The following TMEM135 variants were observed in gnomAD, a reference collection of about 807,000 sequenced individuals.
TMEM135 encodes transmembrane protein 135.
In TMEM135, 30 loss-of-function variants were observed where a neutral mutation model predicts 60.3. The ratio of observed to expected loss-of-function variants is 0.50; its 90% CI spans 0.37 to 0.68. The LOEUF (loss-of-function observed/expected upper bound fraction) is 0.68, where lower values mean the gene tolerates loss of function less well. Among genes scored for constraint, TMEM135 ranks in the 30% least tolerant of loss-of-function variants. The pLI, the probability that TMEM135 is intolerant of heterozygous loss-of-function variation, is 0.00. For missense variants in TMEM135, 468 were observed against 548.8 expected (o/e 0.85, Z 1.47); for synonymous variants, 190 against 186.7 (o/e 1.02, Z -0.14).
In TMEM135 at chr11:87,157,407, G is replaced by C; in HGVS notation, c.462+1G>C. 1.9e-6 allele frequency: 3 copies of C among 1,611,428 alleles called. No individual in the cohort carries two copies. Among genetic ancestry groups the C allele is most frequent in the Non-Finnish European group, 2.5e-6 (3 of 1,178,028 alleles). On this transcript the variant is annotated splice_donor_variant, in intron 5 of 14. Transcript: ENST00000305494. LOFTEE classifies it high-confidence loss of function. ...CATCACAACATTAAGAAATGGAGAA[G>C]TAAGATGAGAATTTTGATATAGTTA... is the stretch of plus-strand genomic sequence containing the variant.
intron 5 of TMEM135, among the ~76,000 whole-genome samples, chr11:87,233,099 C>T (rs748824835): frequency 8.6e-5 from 13 of 151,996 alleles, no homozygotes; most frequent in African/African-American, 1.2e-4. Flanking sequence ...TGCAGTGAGC[C>T]GAGATTGCAC....
intron 5 of TMEM135, among the ~76,000 whole-genome samples, chr11:87,193,673 T>G (rs1001939650): frequency 4.6e-5 from 7 of 151,336 alleles, no homozygotes; most frequent in African/African-American, 1.7e-4. Context: ...AATAAAGAAT[T>G]AAGAACTCAG....
At chr11:87,268,154 A>ATTTCC (rs1398431114) in intron 6 of TMEM135, among the ~76,000 whole-genome samples, 6 of 70,362 alleles carry the variant, frequency 8.5e-5, no homozygotes, top group South Asian at 3.9e-4. Flanking sequence ...CCTTTCCTTT[A>ATTTCC]TTTCCTTTCC....
chr11:87,273,199 C>T (rs1040947604), intron 6 of TMEM135, among the ~76,000 whole-genome samples: 1 of 152,032 alleles, frequency 6.6e-6, no homozygotes, highest in South Asian at 2.1e-4. Context: ...AATCTGGTTT[C>T]TTTTTTTATT....
At chr11:87,174,893 A>G (rs1484760170) in intron 5 of TMEM135, among the ~76,000 whole-genome samples, 3 of 152,156 alleles carry the variant, frequency 2.0e-5, no homozygotes, top group Admixed American at 2.0e-4. Context: ...ATATACAGAG[A>G]CATCCCAATC....
At position 87,321,507 on chromosome 11, in the gene TMEM135, G is replaced by A; in HGVS notation, c.*174G>A. On this transcript the variant is annotated 3_prime_UTR_variant, in exon 15 of 15. Coordinates refer to ENST00000305494, the MANE Select transcript of TMEM135 (RefSeq NM_022918.4). Reference sequence around the variant, plus strand: ...AAATTCAGAAGCTTTTTAGGAAGATGTTGCTTAATAATTAAGCTTCCTCCA... The same window carrying A: ...AAATTCAGAAGCTTTTTAGGAAGATATTGCTTAATAATTAAGCTTCCTCCA... The A allele has an allele frequency of 1.3e-6, 1 of 763,030 alleles. No homozygotes were observed. The highest frequency in any genetic ancestry group is 2.0e-5 in the Admixed American group (1 of 49,964). 47.3% of individuals were successfully genotyped at this position (763,030 alleles called of 1,614,324 possible).
rs147762653 is a variant in TMEM135 at position 87,045,535 on chromosome 11, A to G, written c.141+7349A>G. The stretch of plus-strand genomic sequence containing the variant: ...TACCATTATTTGCCTCTTAGTTGTC[A>G]TAGATGAGGGATAAAAATACATATT... On this transcript the variant is annotated intron_variant, in intron 1 of 14. Coordinates refer to ENST00000305494, the MANE Select transcript of TMEM135 (RefSeq NM_022918.4). 1.7e-3 allele frequency among the ~76,000 whole-genome samples: 258 copies of G among 152,318 alleles called. 5 individuals carry two copies. The highest frequency in any genetic ancestry group is 6.0e-3 in the African/African-American group (250 of 41,562).
chr11:87,304,755 T>C (rs1469446933), intron 8 of TMEM135, among the ~76,000 whole-genome samples: 1 of 152,200 alleles, frequency 6.6e-6, no homozygotes, highest in African/African-American at 2.4e-5. Context: ...GTTATTGTTA[T>C]AAACAGGAAA....
chr11:87,259,172 G>A (rs773814067), intron 6 of TMEM135: 27 of 586,696 alleles, frequency 4.6e-5, no homozygotes, highest in Non-Finnish European at 6.3e-5. Context: ...TCTCCTCGTC[G>A]TCCTCCTCCA....
chr11:87,176,189 C>T (rs184813297), intron 5 of TMEM135, among the ~76,000 whole-genome samples: 1 of 152,168 alleles, frequency 6.6e-6, no homozygotes, highest in East Asian at 1.9e-4. Context: ...TGACTTGGTG[C>T]CTTCCTTGTG....
intron 5 of TMEM135, among the ~76,000 whole-genome samples, chr11:87,199,828 G>A (rs753716324): frequency 1.1e-4 from 16 of 152,198 alleles, no homozygotes; most frequent in Admixed American, 8.5e-4. Context: ...TACTAGGGAG[G>A]CTGAGGCAGG....
At chr11:87,309,931 C>CT (rs1243102426) in intron 10 of TMEM135, among the ~76,000 whole-genome samples, 1 of 151,930 alleles carries the variant, frequency 6.6e-6, no homozygotes, top group Non-Finnish European at 1.5e-5. Flanking sequence ...GACTCATTTT[C>CT]TTTTTCAATA....
In TMEM135 at chr11:87,088,208, T is replaced by C. The variant is rs1857136797; in HGVS notation, c.363-3154T>C. Among the ~76,000 whole-genome samples, 3 of 152,142 alleles carry C rather than the reference T, an allele frequency of 2.0e-5. No individual in the cohort carries two copies. In the South Asian group the frequency reaches 6.2e-4, roughly 32 times the overall value. On this transcript the variant is annotated intron_variant, in intron 3 of 14. Transcript: ENST00000305494. ...AGTTAGGAACCCTGTACAGGAACTG[T>C]GTAGACAGGGTATGAGGCCAGTTTC...
intron 4 of TMEM135, chr11:87,120,931 A>T (rs976537136): frequency 9.2e-5 from 14 of 152,186 alleles, no homozygotes; most frequent in African/African-American, 3.4e-4. Context: ...GACTCTTCAT[A>T]TGTTTTGTAC....
intron 6 of TMEM135, among the ~76,000 whole-genome samples, chr11:87,290,491 G>A (rs1006525935): frequency 6.6e-6 from 1 of 152,100 alleles, no homozygotes; most frequent in East Asian, 1.9e-4. Flanking sequence ...GTTTTCTAGC[G>A]ACATCTGCTG....
chr11:87,308,935 A>G (rs994804346), intron 9 of TMEM135, among the ~76,000 whole-genome samples: 8 of 152,158 alleles, frequency 5.3e-5, no homozygotes, highest in Admixed American at 4.6e-4. Flanking sequence ...GAGATGTTTT[A>G]GCCCGACAGG....
At position 87,109,721 on chromosome 11, in the gene TMEM135, A is replaced by G. The variant is rs115635034; in HGVS notation, c.396+18326A>G. Among the ~76,000 whole-genome samples, 1,455 of 152,348 alleles carry G rather than the reference A, an allele frequency of 9.6e-3. 27 individuals are homozygous for G. Among genetic ancestry groups the G allele is most frequent in the African/African-American group, 0.033 (1,390 of 41,576 alleles). On this transcript the variant is annotated intron_variant, in intron 4 of 14. Transcript: ENST00000305494. Reference sequence around the variant, plus strand: ...CTTAATAAACTTAAATTATGTTTGCAGCATCAAAAACCCTTCAATCATCCT... The same window carrying G: ...CTTAATAAACTTAAATTATGTTTGCGGCATCAAAAACCCTTCAATCATCCT...
intron 6 of TMEM135, among the ~76,000 whole-genome samples, chr11:87,266,474 T>C (rs1026868678): frequency 6.6e-6 from 1 of 152,214 alleles, no homozygotes; most frequent in Non-Finnish European, 1.5e-5. Context: ...AGTGCAAATT[T>C]CTAGTTTCTT....
intron 6 of TMEM135, among the ~76,000 whole-genome samples, chr11:87,249,983 G>A (rs1045613304): frequency 6.6e-6 from 1 of 151,928 alleles, no homozygotes; most frequent in Non-Finnish European, 1.5e-5. Context: ...CTCATCCTTT[G>A]TCTTTGATCT....
Sources: gnomAD v4.1 joint callset for allele counts (sites outside exome capture counted in the v4.1 genomes callset) on GRCh38, gnomAD v4.1.1 for gene constraint, MANE v1.5 for transcripts, NCBI Gene and HGNC (gene_info 2026-07-23, HGNC 2026-07-21) for gene names.